The following RCAN1 variants were observed in gnomAD, a reference collection of about 807,000 sequenced individuals.
The protein encoded by RCAN1 is calcipressin-1.
RCAN1 carries 11 observed loss-of-function variants against 22.9 expected under a neutral mutation model. The ratio of observed to expected loss-of-function variants is 0.48; its 90% CI spans 0.30 to 0.79. RCAN1 has a LOEUF of 0.79. Ranked by LOEUF, RCAN1 falls within the 30% of genes least tolerant of loss-of-function variation. The pLI, the probability that RCAN1 is intolerant of heterozygous loss-of-function variation, is 0.06. For synonymous variants in RCAN1, 136 were observed against 142.3 expected, an observed-to-expected ratio of 0.96 and a Z score of 0.32; for missense variants, 291 against 337.8, an observed-to-expected ratio of 0.86 and a Z score of 1.09.
At chr21:34,567,568 A>AG (rs1229171805) in intron 1 of RCAN1, among the ~76,000 whole-genome samples, 1 of 151,824 alleles carries the variant, frequency 6.6e-6, no homozygotes, top group Non-Finnish European at 1.5e-5. Flanking sequence ...AAAAAAAAAA[A>AG]AAGAAAGAAA....
intron 1 of RCAN1, among the ~76,000 whole-genome samples, chr21:34,535,309 ATGGGC>A (rs1985618718): frequency 6.6e-6 from 1 of 152,152 alleles, no homozygotes; most frequent in Non-Finnish European, 1.5e-5. Context: ...CAATCAGGAA[ATGGGC>A]TCAGGAGTGT....
chr21:34,520,100 G>A (rs780170655), intron 3 of RCAN1, among the ~76,000 whole-genome samples: 1 of 152,210 alleles, frequency 6.6e-6, no homozygotes, highest in African/African-American at 2.4e-5. Flanking sequence ...CCGCAATCCT[G>A]TTGGTTGAAA....
intron 1 of RCAN1, among the ~76,000 whole-genome samples, chr21:34,570,064 G>T (rs74767604): frequency 6.6e-6 from 1 of 152,236 alleles, no homozygotes; most frequent in South Asian, 2.1e-4. Flanking sequence ...AAGGACAGAC[G>T]GGAGGGCCCA....
rs1311610808 is a variant in RCAN1, at chr21:34,605,430, G to A, written c.252+9330C>T. On this transcript the variant is annotated intron_variant, in intron 1 of 3. Transcript: ENST00000313806. The stretch of plus-strand genomic sequence containing the variant: ...CTTTTAACTCCTCTTTATATATATC[G>A]ATCTATCCTATTAGTTCTGTCCATC... 5.3e-5 allele frequency among the ~76,000 whole-genome samples: 8 copies of A among 151,932 alleles called. 1 individual carries two copies. The highest frequency in any genetic ancestry group is 3.9e-4 in the East Asian group (2 of 5,180).
At chr21:34,543,961 T>C (rs972865946) in intron 1 of RCAN1, among the ~76,000 whole-genome samples, 3 of 152,254 alleles carry the variant, frequency 2.0e-5, no homozygotes, top group Non-Finnish European at 2.9e-5. Flanking sequence ...CTATGTGCTA[T>C]GAATATTATC....
chr21:34,540,914 G>A (rs1985886160), intron 1 of RCAN1, among the ~76,000 whole-genome samples: 2 of 152,054 alleles, frequency 1.3e-5, no homozygotes, highest in South Asian at 2.1e-4. Flanking sequence ...GAACCTGGGA[G>A]GTGGAGGTTG....
At chr21:34,567,634 G>GA (rs1350305937) in intron 1 of RCAN1, among the ~76,000 whole-genome samples, 7 of 151,518 alleles carry the variant, frequency 4.6e-5, no homozygotes, top group Admixed American at 2.0e-4. Context: ...ACTTCTGTTA[G>GA]AAAAAAAATA....
chr21:34,589,028 A>G (rs1987887687), intron 1 of RCAN1, among the ~76,000 whole-genome samples: 1 of 152,184 alleles, frequency 6.6e-6, no homozygotes, highest in Non-Finnish European at 1.5e-5. Flanking sequence ...TGGGGAGTTG[A>G]TGTTTGACGG....
At chr21:34,596,898 C>T (rs1009333435) in intron 1 of RCAN1, among the ~76,000 whole-genome samples, 1 of 152,120 alleles carries the variant, frequency 6.6e-6, no homozygotes, top group African/African-American at 2.4e-5. Flanking sequence ...GCTCACTGTG[C>T]TGTGCGTTGG....
chr21:34,558,479 T>A (rs929383105), intron 1 of RCAN1, among the ~76,000 whole-genome samples: 10 of 152,176 alleles, frequency 6.6e-5, no homozygotes, highest in Non-Finnish European at 1.3e-4. Flanking sequence ...AAGGAAATGA[T>A]CAAGAAGAAA....
rs141961544 is a variant in RCAN1 at position 34,574,780 on chromosome 21, C to G, written c.252+39980G>C. On this transcript the variant is annotated intron_variant, in intron 1 of 3. Coordinates refer to ENST00000313806, the MANE Select transcript of RCAN1 (RefSeq NM_004414.7). ...GTCTGTCTGCTTCCGCGGCTGAGCA[C>G]GTTCTCCTCGGGTGCCTCCCGCGTC... Among the ~76,000 whole-genome samples the G allele has an allele frequency of 7.6e-3, 1,152 of 152,342 alleles. 17 individuals are homozygous for G. Among genetic ancestry groups the G allele is most frequent in the African/African-American group, 0.025 (1,058 of 41,586 alleles).
intron 3 of RCAN1, among the ~76,000 whole-genome samples, chr21:34,520,417 C>T (rs1292223198): frequency 6.6e-6 from 1 of 152,204 alleles, no homozygotes; most frequent in Non-Finnish European, 1.5e-5. Flanking sequence ...CTCAAAATGG[C>T]CATTTCTGAT....
chr21:34,602,981 CA>C (rs1340114207), intron 1 of RCAN1, among the ~76,000 whole-genome samples: 2 of 152,150 alleles, frequency 1.3e-5, no homozygotes, highest in Admixed American at 1.3e-4. Flanking sequence ...CAGCATCTCC[CA>C]GCAGCAGGGA....
At chr21:34,537,187 T>C (rs929623524) in intron 1 of RCAN1, among the ~76,000 whole-genome samples, 3 of 152,206 alleles carry the variant, frequency 2.0e-5, no homozygotes, top group African/African-American at 7.2e-5. Context: ...AACTTGGATA[T>C]TATCTCTGTC....
At chr21:34,574,754 T>A (rs1224819436) in intron 1 of RCAN1, among the ~76,000 whole-genome samples, 1 of 152,164 alleles carries the variant, frequency 6.6e-6, no homozygotes, top group Non-Finnish European at 1.5e-5. Context: ...AAACACGGAG[T>A]GTCTGTCTGC....
At chr21:34,541,663 G>T (rs182738615) in intron 1 of RCAN1, among the ~76,000 whole-genome samples, 1 of 152,218 alleles carries the variant, frequency 6.6e-6, no homozygotes, top group Non-Finnish European at 1.5e-5. Flanking sequence ...GGGCGGGAGC[G>T]ATGGCTCACG....
chr21:34,539,421 T>C (rs117861673), intron 1 of RCAN1, among the ~76,000 whole-genome samples: 1,949 of 152,364 alleles, frequency 0.013, 12 homozygotes, highest in Non-Finnish European at 0.018. Context: ...CAATGTTTAT[T>C]GTTCTCATTT....
At chr21:34,529,470 T>A (rs1362160071) in intron 1 of RCAN1, among the ~76,000 whole-genome samples, 1 of 152,250 alleles carries the variant, frequency 6.6e-6, no homozygotes, top group East Asian at 1.9e-4. Context: ...CCTCCTCATC[T>A]GCTTATCTGA....
intron 1 of RCAN1, among the ~76,000 whole-genome samples, chr21:34,594,584 G>T (rs972720119): frequency 1.3e-5 from 2 of 152,084 alleles, no homozygotes; most frequent in African/African-American, 4.8e-5. Context: ...AAAACGAAGG[G>T]TGGCAAGGTA....
Sources: gnomAD v4.1 joint callset for allele counts (sites outside exome capture counted in the v4.1 genomes callset) on GRCh38, gnomAD v4.1.1 for gene constraint, MANE v1.5 for transcripts, NCBI Gene and HGNC (gene_info 2026-07-23, HGNC 2026-07-21) for gene names.